The following CLSTN1 variants were observed in gnomAD, a reference collection of about 807,000 sequenced individuals.
CLSTN1 encodes calsyntenin-1.
Under a neutral mutation model 108.3 loss-of-function variants are expected in CLSTN1, and 28 were observed. The ratio of observed to expected loss-of-function variants is 0.26; its 90% CI spans 0.19 to 0.35. The LOEUF (loss-of-function observed/expected upper bound fraction) is 0.35. CLSTN1 is among the 10% of genes least tolerant of loss of function. The pLI is 1.00. For missense variants in CLSTN1, 1,157 were observed against 1,302.6 expected (o/e 0.89, Z 1.72); for synonymous variants, 524 against 534.9 (o/e 0.98, Z 0.28).
intron 1 of CLSTN1, among the ~76,000 whole-genome samples, chr1:9,816,204 C>T (rs1654962290): frequency 6.6e-6 from 1 of 152,164 alleles, no homozygotes; most frequent in African/African-American, 2.4e-5. Flanking sequence ...CTGATACATG[C>T]TACAACATGG....
chr1:9,764,979 C>T (rs1215050498), intron 2 of CLSTN1, among the ~76,000 whole-genome samples: 1 of 152,178 alleles, frequency 6.6e-6, no homozygotes, highest in Non-Finnish European at 1.5e-5. Flanking sequence ...TAATAAGAAG[C>T]ACCTGTCCTA....
intron 1 of CLSTN1, chr1:9,781,084 G>T: frequency 1.5e-6 from 1 of 679,142 alleles, no homozygotes; most frequent in Non-Finnish European, 2.7e-6. Flanking sequence ...TTCTGCTTGA[G>T]ATTTCAAGAA....
At chr1:9,793,846 T>C (rs1653873666) in intron 1 of CLSTN1, among the ~76,000 whole-genome samples, 1 of 151,450 alleles carries the variant, frequency 6.6e-6, no homozygotes, top group Non-Finnish European at 1.5e-5. Context: ...CAGTGCAAAG[T>C]TGGGAATATC....
intron 1 of CLSTN1, among the ~76,000 whole-genome samples, chr1:9,795,315 G>C (rs551905430): frequency 2.0e-5 from 3 of 150,900 alleles, no homozygotes; most frequent in Admixed American, 1.4e-4. Context: ...ACAGGCATGC[G>C]CCACCACGCC....
chr1:9,768,810 T>C (rs4845975), intron 2 of CLSTN1, among the ~76,000 whole-genome samples: 19,698 of 44,784 alleles, frequency 0.44, 4,507 homozygotes, highest in African/African-American at 0.7. Flanking sequence ...TAGGTGGCAC[T>C]ATGGGGGCGG....
chr1:9,768,199 T>TG (rs1392340411), intron 2 of CLSTN1, among the ~76,000 whole-genome samples: 1 of 149,302 alleles, frequency 6.7e-6, no homozygotes, highest in African/African-American at 2.5e-5. Context: ...GGTGGCACCA[T>TG]GGGGGCGGGG....
At position 9,731,368 on chromosome 1, in the gene CLSTN1, A is replaced by T. The variant is rs770874012; in HGVS notation, c.2586T>A (p.Val862=). The change falls in exon 18 of 19, where the codon GTT becomes GTA. Residue 862 remains valine (V), a synonymous_variant. Transcript: ENST00000377298. The part of the protein sequence containing the change: ...PFAVVPSTAT[V]VIVVCVSFLV... ...GGAAGCTGACGCACACCACGATCAC[A>T]ACTGTCGCAGTGCTGGGGACGACTG... 1.9e-6 allele frequency: 3 copies of T among 1,614,164 alleles called. No individual in the cohort carries two copies. The East Asian group carries it at 6.7e-5, about 36-fold the overall frequency.
Position 9,801,539 on chromosome 1 carries a change from T to C in CLSTN1, c.91+22104A>G, listed in dbSNP as rs554671713. On this transcript the variant is annotated intron_variant, in intron 1 of 18. Coordinates refer to ENST00000377298, the MANE Select transcript of CLSTN1 (RefSeq NM_001009566.3). ...AGGGAATACTTCCTAACTCATTCTG[T>C]GAGGTCACCATTATTGTTCGTTTGT... Among the ~76,000 whole-genome samples the C allele has an allele frequency of 5.3e-5, 8 of 151,984 alleles. No individual in the cohort carries two copies. In the South Asian group the frequency reaches 1.4e-3, roughly 28 times the overall value.
In CLSTN1 at chr1:9,823,198, G is replaced by A. The variant is rs1369859896; in HGVS notation, c.91+445C>T. Reference sequence around the variant, plus strand: ...ACTGTGCGTGCACCCCCCGCCTGATGCACATCTGAGCACACGTACACAGAG... The same window carrying A: ...ACTGTGCGTGCACCCCCCGCCTGATACACATCTGAGCACACGTACACAGAG... On this transcript the variant is annotated intron_variant, in intron 1 of 18. Transcript: ENST00000377298. The surrounding 1 kb of genome is among the most constrained non-coding windows in gnomAD (Gnocchi z 6.3). 6.6e-6 allele frequency among the ~76,000 whole-genome samples: 1 copy of A among 152,216 alleles called. No individual in the cohort carries two copies. The highest frequency in any genetic ancestry group is 1.5e-5 in the Non-Finnish European group (1 of 68,028).
intron 4 of CLSTN1, 58 bp from the exon 5 acceptor site, chr1:9,751,739 CAG>C (rs1238357591): frequency 8.1e-6 from 12 of 1,488,728 alleles, no homozygotes; most frequent in Middle Eastern, 1.7e-4. Flanking sequence ...GAGAGAGAGA[CAG>C]AGAGTGTGTA....
In CLSTN1 at chr1:9,735,575, C is replaced by G; in HGVS notation, c.1775G>C (p.Gly592Ala). The G allele has an allele frequency of 6.2e-7, 1 of 1,614,128 alleles. No individual in the cohort carries two copies. Among genetic ancestry groups the G allele is most frequent in the Non-Finnish European group, 8.5e-7 (1 of 1,180,022 alleles). The stretch of plus-strand genomic sequence containing the variant: ...CTTATCCAATTCCCCGAGGTCTTCT[C>G]CCTCCAAGGTCAATACCAACTGGCT... Reference protein sequence around the residue: ...HPSQLVLTLEGEDLGELDKAM... With the variant: ...HPSQLVLTLEAEDLGELDKAM... The change falls in exon 13 of 19, where the codon GGA (glycine) becomes GCA (alanine). Residue 592 changes from glycine (G) to alanine (A), a missense_variant. Gly to Ala is a moderately conservative substitution (Grantham distance 60, BLOSUM62 0). Transcript: ENST00000377298.
rs1394881395 is a variant in CLSTN1 at position 9,736,052 on chromosome 1, A to G, written c.1577-10T>C. ...ATGTGCAGGTCGCCACCTTTGGGTC[A>G]GGGGAGAAAAGGCGAAGTCAGGCGT... is the stretch of plus-strand genomic sequence containing the variant. On this transcript the variant is annotated splice_polypyrimidine_tract_variant and intron_variant, in intron 11 of 18. Transcript: ENST00000377298. The G allele has an allele frequency of 1.9e-6, 3 of 1,613,898 alleles. No homozygotes were observed. Among genetic ancestry groups the G allele is most frequent in the East Asian group, 2.2e-5 (1 of 44,898 alleles).
intron 1 of CLSTN1, among the ~76,000 whole-genome samples, chr1:9,778,121 T>G (rs879788470): frequency 1.1e-4 from 17 of 152,122 alleles, no homozygotes; most frequent in Admixed American, 9.8e-4. Context: ...TAGGTCGTTG[T>G]GTGATTAAAC....
At chr1:9,761,415 T>C (rs10779733) in intron 2 of CLSTN1, among the ~76,000 whole-genome samples, 140,424 of 152,244 alleles carry the variant, frequency 0.92, 64,901 homozygotes, top group African/African-American at 0.98. Flanking sequence ...ATCACCTGAG[T>C]CTCGGATGTT....
chr1:9,798,162 G>A (rs1225163402), intron 1 of CLSTN1, among the ~76,000 whole-genome samples: 1 of 129,412 alleles, frequency 7.7e-6, no homozygotes, highest in East Asian at 2.5e-4. Context: ...GGGAGGGGGA[G>A]GGGAAGAGGG....
chr1:9,767,349 C>A (rs1464427955), intron 2 of CLSTN1, among the ~76,000 whole-genome samples: 2 of 152,084 alleles, frequency 1.3e-5, no homozygotes, highest in South Asian at 2.1e-4. Flanking sequence ...TCGTAACCAG[C>A]CTGGGGAACA....
chr1:9,757,244 GTTT>G (rs774259645), intron 2 of CLSTN1, among the ~76,000 whole-genome samples: 2 of 140,458 alleles, frequency 1.4e-5, no homozygotes, highest in Non-Finnish European at 1.6e-5. Context: ...GGAGCAAAAG[GTTT>G]TTTTTTTTTT....
In CLSTN1 at chr1:9,748,006, T is replaced by A. The variant is rs1651363688; in HGVS notation, c.985+1455A>T. On this transcript the variant is annotated intron_variant, in intron 7 of 18. Transcript: ENST00000377298. ...TTGCAGTGAGCCGAGATGGCGCCAC[T>A]GCACTCCAGCCTGGGTGACAGAGTG... Among the ~76,000 whole-genome samples the A allele has an allele frequency of 2.7e-5, 4 of 150,620 alleles. No individual in the cohort carries two copies. In the South Asian group the frequency reaches 6.3e-4, roughly 24 times the overall value.
intron 11 of CLSTN1, 93 bp from the exon 12 acceptor site, chr1:9,736,135 G>T: frequency 6.7e-7 from 1 of 1,489,226 alleles, no homozygotes. Flanking sequence ...GGTGCTGGCA[G>T]CTCAGTGGAT....
Sources: allele counts gnomAD v4.1 joint callset (sites outside exome capture counted in the v4.1 genomes callset), GRCh38; gene constraint gnomAD v4.1.1; non-coding constraint Gnocchi (gnomAD v3.1); transcripts MANE v1.5; gene names NCBI Gene and HGNC (gene_info 2026-07-23, HGNC 2026-07-21).